Variants in CFAP100 observed in about 807,000 individuals in gnomAD.
CFAP100 encodes the protein cilia and flagella associated protein 100, also known as cilia- and flagella-associated protein 100.
CFAP100 carries 70 observed loss-of-function variants against 81.5 expected under a neutral mutation model. The ratio of observed to expected loss-of-function variants is 0.86; its 90% confidence interval spans 0.71 to 1.05. The LOEUF (loss-of-function observed/expected upper bound fraction) is 1.05, where lower values mean the gene tolerates loss of function less well. Ranked by LOEUF, CFAP100 falls within the 50% of genes least tolerant of loss-of-function variation. The pLI is 0.00. For missense variants in CFAP100, 811 were observed against 776.5 expected, an observed-to-expected ratio of 1.04 and a Z score of -0.53; for synonymous variants, 341 against 314.8, an observed-to-expected ratio of 1.08 and a Z score of -0.88.
Position 126,414,135 on chromosome 3 carries a change from G to A in CFAP100, c.181G>A (p.Asp61Asn). The A allele has an allele frequency of 6.2e-7, 1 of 1,614,154 alleles. No individual in the cohort carries two copies. The highest frequency in any genetic ancestry group is 8.5e-7 in the Non-Finnish European group (1 of 1,180,014). The change falls in exon 4 of 17, where the codon GAT becomes AAT. Residue 61 changes from aspartate (D) to asparagine (N), a missense_variant. By Grantham distance (23) the Asp-to-Asn change is conservative (BLOSUM62 1). Transcript: ENST00000352312. ...ANPFHLSGDV[D>N]FFLLRDQERN... ...CCCTTTCCACTTATCTGGGGATGTG[G>A]ATTTCTTCTTGCTCAGAGATCAGGA...
intron 11 of CFAP100, chr3:126,420,777 G>A (rs4410406): frequency 0.29 from 44,535 of 154,870 alleles, 7,545 homozygotes; most frequent in African/African-American, 0.47. Flanking sequence ...CGGTCACTAC[G>A]TGGGTGAGGT....
intron 2 of CFAP100, among the ~76,000 whole-genome samples, chr3:126,401,238 T>A (rs949994492): frequency 6.6e-6 from 1 of 151,518 alleles, no homozygotes; most frequent in African/African-American, 2.4e-5. Flanking sequence ...TGATGAAAAG[T>A]TTTTGAAATA....
chr3:126,422,592 C>T (rs71327767), intron 11 of CFAP100, among the ~76,000 whole-genome samples: 4,843 of 152,192 alleles, frequency 0.032, 128 homozygotes, highest in Non-Finnish European at 0.044. Context: ...AGGTCCCCAT[C>T]GAGTGGGGCC....
chr3:126,419,046 A>ACCCCCCCCCCCCCCCCCCCCAC, intron 7 of CFAP100, 30 bp from the exon 8 acceptor site: 2 of 184,500 alleles, frequency 1.1e-5, no homozygotes, highest in South Asian at 5.8e-5. Context: ...CCTTGCCCCC[A>ACCCCCCCCCCCCCCCCCCCCAC]TCCCTCCTCC....
intron 3 of CFAP100, among the ~76,000 whole-genome samples, chr3:126,411,853 C>T (rs142669009): frequency 7.9e-5 from 12 of 152,026 alleles, no homozygotes; most frequent in Admixed American, 2.0e-4. Flanking sequence ...TTTCAAAGGA[C>T]CAGGTTTTTG....
At chr3:126,434,774 G>A (rs961985409) in intron 15 of CFAP100, among the ~76,000 whole-genome samples, 6 of 152,210 alleles carry the variant, frequency 3.9e-5, no homozygotes, top group East Asian at 1.9e-4. Context: ...CTCTGGGGCT[G>A]GACTGGAGGG....
intron 13 of CFAP100, among the ~76,000 whole-genome samples, chr3:126,424,589 C>T (rs2083382409): frequency 6.6e-6 from 1 of 152,266 alleles, no homozygotes. Context: ...GAATCCTCTG[C>T]TCACTCCCCA....
In CFAP100 at chr3:126,418,717, C is replaced by G. The variant is rs114135536; in HGVS notation, c.593C>G (p.Ala198Gly). 3.0e-3 allele frequency: 4,857 copies of G among 1,594,152 alleles called. 123 individuals carry two copies. The African/African-American group carries it at 0.059, about 19-fold the overall frequency. ...RAEKSLEKDA[A>G]LFDEFVREND... is the part of the protein sequence containing the mutation. ...GAGAAATCCCTGGAGAAGGACGCCG[C>G]CTTGTTCGACGAGTTCGTCAGGGAG... Residue 198 changes from alanine to glycine, a missense_variant, in exon 7 of 17, where the codon GCC becomes GGC. Ala to Gly is a moderately conservative substitution (Grantham distance 60, BLOSUM62 0). Transcript: ENST00000352312.
At position 126,416,497 on chromosome 3, in the gene CFAP100, C is replaced by G. The variant is rs1213939608; in HGVS notation, c.407C>G (p.Thr136Ser). ...CGCGACTACACGACCTGGAAGCTCA[C>G]CTTGACCAAAGGTGCGTCCCCTCCG... Reference protein sequence around the residue: ...AFRDYTTWKLTLTKEKNVEPE... With the variant: ...AFRDYTTWKLSLTKEKNVEPE... Residue 136 changes from threonine (T) to serine (S), a missense_variant, in exon 5 of 17, where the codon ACC becomes AGC. By Grantham distance (58) the Thr-to-Ser change is moderately conservative. Transcript: ENST00000352312. 2 of 1,593,292 alleles carry G rather than the reference C, an allele frequency of 1.3e-6. No homozygotes were observed. The highest frequency in any genetic ancestry group is 3.5e-5 in the Admixed American group (2 of 57,604).
Position 126,435,588 on chromosome 3 carries a change from A to G in CFAP100, c.1658A>G (p.Lys553Arg). ...CGAGAAGAGAAGCTCCAGATGCAAA[A>G]GATCCTACAGGAGGAGCATCTGCAG... The part of the protein sequence containing the change: ...RLREEKLQMQ[K>R]ILQEEHLQRA... The change falls in exon 16 of 17, where the codon AAG (lysine) becomes AGG (arginine). Residue 553 changes from lysine (K) to arginine (R), a missense_variant. By Grantham distance (26) the Lys-to-Arg change is conservative. Coordinates refer to ENST00000352312, the MANE Select transcript of CFAP100 (RefSeq NM_182628.3). The G allele has an allele frequency of 1.9e-6, 3 of 1,611,814 alleles. No individual in the cohort carries two copies. Among genetic ancestry groups the G allele is most frequent in the Non-Finnish European group, 2.5e-6 (3 of 1,178,466 alleles).
chr3:126,417,050 G>A (rs1002067229), intron 5 of CFAP100, among the ~76,000 whole-genome samples: 4 of 152,210 alleles, frequency 2.6e-5, no homozygotes, highest in South Asian at 2.1e-4. Context: ...TGCGTGATTC[G>A]GAAGGTGGGC....
chr3:126,418,206 G>A (rs186199767), intron 5 of CFAP100: 15 of 508,900 alleles, frequency 2.9e-5, no homozygotes, highest in South Asian at 8.8e-5. Context: ...CAAGAAAGGC[G>A]CAAGTCAGAC....
chr3:126,401,492 A>G, intron 2 of CFAP100, among the ~76,000 whole-genome samples: 1 of 146,638 alleles, frequency 6.8e-6, no homozygotes. Context: ...TGTGTTAAAT[A>G]AGTGAAGTAA....
At chr3:126,427,757 G>C (rs1272467735) in intron 13 of CFAP100, among the ~76,000 whole-genome samples, 1 of 152,112 alleles carries the variant, frequency 6.6e-6, no homozygotes, top group Non-Finnish European at 1.5e-5. Context: ...CATTCCAATA[G>C]ATGTGTAGTG....
chr3:126,416,525 G>A lies in CFAP100; in HGVS notation c.418+17G>A, dbSNP rs993469792. 104 of 1,537,794 alleles carry A rather than the reference G, an allele frequency of 6.8e-5. 1 individual carries two copies. The highest frequency in any genetic ancestry group is 8.8e-5 in the Non-Finnish European group (100 of 1,139,538). ...TGACCAAAGGTGCGTCCCCTCCGGC[G>A]CGGGGGGACCTGGGCCAGTGGCGTC... On this transcript the variant is annotated intron_variant, in intron 5 of 16. Transcript: ENST00000352312.
intron 13 of CFAP100, among the ~76,000 whole-genome samples, chr3:126,425,439 C>T (rs1194556133): frequency 6.6e-6 from 1 of 152,148 alleles, no homozygotes; most frequent in East Asian, 1.9e-4. Flanking sequence ...AAGGGAAAGC[C>T]CCAGGCTCAG....
chr3:126,434,920 G>A (rs1473965788), intron 15 of CFAP100, among the ~76,000 whole-genome samples: 2 of 152,108 alleles, frequency 1.3e-5, no homozygotes, highest in African/African-American at 4.8e-5. Flanking sequence ...GAGTGGAGGG[G>A]GGCAGATGGG....
intron 4 of CFAP100, 64 bp from the exon 5 acceptor site, chr3:126,416,252 C>A (rs564888110): frequency 1.4e-6 from 2 of 1,443,338 alleles, no homozygotes; most frequent in East Asian, 2.3e-5. Context: ...TGGGGAACCG[C>A]GCGGGGAGGC....
At chr3:126,414,266 G>A (rs1389152100) in intron 4 of CFAP100, 87 bp downstream of exon 4, 6 of 914,242 alleles carry the variant, frequency 6.6e-6, no homozygotes, top group East Asian at 2.4e-5. Flanking sequence ...CTTCTCAGAG[G>A]AGCACTTTCC....
Sources: allele counts gnomAD v4.1 joint callset (sites outside exome capture counted in the v4.1 genomes callset), GRCh38; gene constraint gnomAD v4.1.1; transcripts MANE v1.5; gene names NCBI Gene and HGNC (gene_info 2026-07-23, HGNC 2026-07-21).